Variants in MGAT4C observed in about 807,000 individuals in gnomAD.
MGAT4C encodes MGAT4 family member C, also known as alpha-1,3-mannosyl-glycoprotein 4-beta-N-acetylglucosaminyltransferase C.
A neutral mutation model predicts 40.1 loss-of-function variants in MGAT4C; 19 were observed. The observed-to-expected ratio is 0.47, with a 90% confidence interval of 0.33 to 0.70. MGAT4C has a LOEUF of 0.70. MGAT4C is among the 30% of genes least tolerant of loss of function. MGAT4C has a pLI of 0.02. For missense variants in MGAT4C, 491 were observed against 563.2 expected, an observed-to-expected ratio of 0.87 and a Z score of 1.30; for synonymous variants, 181 against 187.1, an observed-to-expected ratio of 0.97 and a Z score of 0.27.
At chr12:86,464,707 T>C (rs1295544842) in intron 2 of MGAT4C, among the ~76,000 whole-genome samples, 2 of 152,162 alleles carry the variant, frequency 1.3e-5, no homozygotes, top group Admixed American at 6.5e-5. Context: ...TTAGATCTTT[T>C]ACAAAGGGAG....
At chr12:86,425,033 G>C (rs1188978497) in intron 3 of MGAT4C, among the ~76,000 whole-genome samples, 1 of 152,150 alleles carries the variant, frequency 6.6e-6, no homozygotes, top group African/African-American at 2.4e-5. Context: ...TGTGATAACA[G>C]CCGTGAGTCA....
rs1423637898 is a variant in MGAT4C, at chr12:86,774,338, TC to T, written c.-261-47098del. ...TTCTTTCTTTCTTTCTTTCTTTCTTTCTGTCTCTCTCTCTCCCCTCTCTCTC... is the reference window on the plus strand; with the variant it reads ...TTCTTTCTTTCTTTCTTTCTTTCTTTTGTCTCTCTCTCTCCCCTCTCTCTC... On this transcript the variant is annotated intron_variant, in intron 1 of 7. Transcript: ENST00000548651. 1.5e-3 allele frequency among the ~76,000 whole-genome samples: 148 copies of T among 101,642 alleles called. 4 individuals carry two copies. Among genetic ancestry groups the T allele is most frequent in the Admixed American group, 2.4e-3 (22 of 9,002 alleles). The allele number at this position is 101,642 out of a possible 152,430, so 66.7% of individuals were successfully genotyped here.
At chr12:86,442,888 T>C (rs765211136) in intron 2 of MGAT4C, among the ~76,000 whole-genome samples, 19 of 152,012 alleles carry the variant, frequency 1.2e-4, no homozygotes, top group Admixed American at 9.8e-4. Context: ...TCAGCAGCCA[T>C]CAACATTGAG....
At chr12:86,521,045 T>C (rs999903396) in intron 2 of MGAT4C, among the ~76,000 whole-genome samples, 1 of 152,202 alleles carries the variant, frequency 6.6e-6, no homozygotes. Flanking sequence ...AGATAGTTTC[T>C]TTTGCTGTGC....
chr12:86,400,959 C>T (rs2897269), intron 3 of MGAT4C, among the ~76,000 whole-genome samples: 135,601 of 152,150 alleles, frequency 0.89, 60,630 homozygotes, highest in East Asian at 1. Flanking sequence ...AGAATGATCT[C>T]ACAGAAAATT....
At chr12:86,832,244 G>A (rs1952943521) in intron 1 of MGAT4C, among the ~76,000 whole-genome samples, 1 of 151,662 alleles carries the variant, frequency 6.6e-6, no homozygotes, top group Admixed American at 6.6e-5. Flanking sequence ...TCTACTCCCT[G>A]TGTATTAGAA....
At chr12:86,425,114 C>T (rs1027467099) in intron 3 of MGAT4C, among the ~76,000 whole-genome samples, 3 of 152,116 alleles carry the variant, frequency 2.0e-5, no homozygotes, top group African/African-American at 4.8e-5. Flanking sequence ...AATTCCCATA[C>T]TCATTAAGTG....
intron 1 of MGAT4C, among the ~76,000 whole-genome samples, chr12:86,149,601 A>G (rs565625366): frequency 3.9e-5 from 6 of 152,332 alleles, no homozygotes; most frequent in African/African-American, 1.4e-4. Context: ...ATGAAAGAGT[A>G]AAAAGCACAA....
intron 1 of MGAT4C, among the ~76,000 whole-genome samples, chr12:86,148,411 A>C (rs531337949): frequency 4.6e-5 from 7 of 152,340 alleles, no homozygotes; most frequent in Admixed American, 4.6e-4. Context: ...GTGCCTCTGC[A>C]TCTGTTAAAA....
intron 2 of MGAT4C, among the ~76,000 whole-genome samples, chr12:86,672,146 A>G (rs1469405664): frequency 6.6e-6 from 1 of 152,192 alleles, no homozygotes; most frequent in Non-Finnish European, 1.5e-5. Flanking sequence ...TGAAAACTAT[A>G]CAAGTATATG....
intron 1 of MGAT4C, among the ~76,000 whole-genome samples, chr12:86,734,874 C>G (rs2136123739): frequency 6.6e-6 from 1 of 152,096 alleles, no homozygotes; most frequent in African/African-American, 2.4e-5. Context: ...TATGTAGTTA[C>G]CATCTGCTGT....
intron 2 of MGAT4C, among the ~76,000 whole-genome samples, chr12:86,479,830 T>C (rs534706595): frequency 6.6e-6 from 1 of 151,694 alleles, no homozygotes; most frequent in African/African-American, 2.4e-5. Flanking sequence ...TAAGGAAAAA[T>C]CCTAGAAATC....
At chr12:86,017,024 A>C (rs1030059303) in intron 2 of MGAT4C, among the ~76,000 whole-genome samples, 1 of 152,136 alleles carries the variant, frequency 6.6e-6, no homozygotes, top group Non-Finnish European at 1.5e-5. Context: ...CATTGAGTTC[A>C]TATCTGTACA....
intron 2 of MGAT4C, among the ~76,000 whole-genome samples, chr12:86,034,288 C>A (rs56336308): frequency 6.7e-6 from 1 of 149,086 alleles, no homozygotes; most frequent in Non-Finnish European, 1.5e-5. Context: ...GGAAGGAGTC[C>A]CTTCTCTTCA....
At chr12:86,695,258 AC>A (rs1950235330) in intron 2 of MGAT4C, among the ~76,000 whole-genome samples, 1 of 152,218 alleles carries the variant, frequency 6.6e-6, no homozygotes, top group Admixed American at 6.6e-5. Flanking sequence ...TGTCCAAAAG[AC>A]AGGCAATAAA....
At position 86,801,525 on chromosome 12, in the gene MGAT4C, G is replaced by C. The variant is rs561405488; in HGVS notation, c.-262+37141C>G. Among the ~76,000 whole-genome samples the C allele has an allele frequency of 4.0e-5, 6 of 151,858 alleles. No homozygotes were observed. In the South Asian group the frequency reaches 8.3e-4, roughly 21 times the overall value. ...TTCTGAGTTTGTTGAAGGCAGGTAG[G>C]GATTTTTTCTGTTGGTTACAAGGCA... is the stretch of plus-strand genomic sequence containing the variant. On this transcript the variant is annotated intron_variant, in intron 1 of 7. Transcript: ENST00000548651.
At chr12:86,802,381 T>C (rs572247584) in intron 1 of MGAT4C, among the ~76,000 whole-genome samples, 75 of 152,136 alleles carry the variant, frequency 4.9e-4, no homozygotes, top group Non-Finnish European at 9.1e-4. Flanking sequence ...GCTTTAGTTA[T>C]GGTTTTTAAA....
intron 1 of MGAT4C, among the ~76,000 whole-genome samples, chr12:86,822,689 G>C (rs1952726914): frequency 6.6e-6 from 1 of 151,052 alleles, no homozygotes; most frequent in South Asian, 2.1e-4. Context: ...AGTATGTTCA[G>C]CAAACATCAA....
At chr12:86,153,449 A>G (rs780915512) in intron 1 of MGAT4C, among the ~76,000 whole-genome samples, 5 of 152,222 alleles carry the variant, frequency 3.3e-5, no homozygotes, top group Non-Finnish European at 7.3e-5. Context: ...GTGTTCAGTT[A>G]TAAGTTACGA....
Sources: gnomAD v4.1 joint callset for allele counts (sites outside exome capture counted in the v4.1 genomes callset) on GRCh38, gnomAD v4.1.1 for gene constraint, MANE v1.5 for transcripts, NCBI Gene and HGNC (gene_info 2026-07-23, HGNC 2026-07-21) for gene names.